Variants in DDX60 observed in about 807,000 individuals in gnomAD.
The protein encoded by DDX60 is probable ATP-dependent RNA helicase DDX60.
Under a neutral mutation model 212.8 loss-of-function variants are expected in DDX60, and 165 were observed. That is an observed-to-expected ratio of 0.78 (90% CI 0.68 to 0.88). DDX60 has a LOEUF of 0.88. Ranked by LOEUF, DDX60 falls within the 40% of genes least tolerant of loss-of-function variation. The pLI, the probability that DDX60 is intolerant of heterozygous loss-of-function variation, is 0.00. For missense variants in DDX60, 1,905 were observed against 2,003.9 expected, an observed-to-expected ratio of 0.95 and a Z score of 0.94; for synonymous variants, 703 against 685.3, an observed-to-expected ratio of 1.03 and a Z score of -0.40.
intron 1 of DDX60, among the ~76,000 whole-genome samples, chr4:168,311,577 A>G (rs1247656033): frequency 6.6e-6 from 1 of 152,192 alleles, no homozygotes; most frequent in Non-Finnish European, 1.5e-5. Context: ...GGTCAGAGGA[A>G]GTTTCCCTAA....
chr4:168,266,266 C>T lies in DDX60; in HGVS notation c.3039+1316G>A, dbSNP rs557210764. ...GTAATGGTTAAAAGAGGTTTAAAAA[C>T]GTAGAATTTTTAGAACATGAAGTAA... On this transcript the variant is annotated intron_variant, in intron 22 of 37. Transcript: ENST00000393743. Among the ~76,000 whole-genome samples, 33 of 152,208 alleles carry T rather than the reference C, an allele frequency of 2.2e-4. 1 individual carries two copies. The highest frequency in any genetic ancestry group is 3.4e-3 in the Middle Eastern group (1 of 294).
the DDX60 span, among the ~76,000 whole-genome samples, chr4:168,325,978 C>T: frequency 6.6e-6 from 1 of 152,182 alleles, no homozygotes; most frequent in Non-Finnish European, 1.5e-5. Context: ...AGCTGTCCAG[C>T]GGTGACCTCT....
intron 36 of DDX60, among the ~76,000 whole-genome samples, 176 bp downstream of exon 36, chr4:168,221,554 C>A (rs146434917): frequency 6.6e-6 from 1 of 151,538 alleles, no homozygotes; most frequent in African/African-American, 2.4e-5. Flanking sequence ...AAAATAATAC[C>A]GAATTGTTAT....
intron 18 of DDX60, among the ~76,000 whole-genome samples, chr4:168,272,625 A>G (rs623967): frequency 0.43 from 65,693 of 151,982 alleles, 14,957 homozygotes; most frequent in African/African-American, 0.6. Flanking sequence ...GTTCCACATC[A>G]AGCCACAGCA....
chr4:168,311,194 T>G, intron 2 of DDX60, 62 bp downstream of exon 2: 1 of 1,561,750 alleles, frequency 6.4e-7, no homozygotes, highest in Admixed American at 1.7e-5. Flanking sequence ...TTCCATTAAA[T>G]CTATGTAGTT....
At chr4:168,275,633 A>T in intron 15 of DDX60, 130 bp from the exon 16 acceptor site, 1 of 791,052 alleles carries the variant, frequency 1.3e-6, no homozygotes, top group South Asian at 2.9e-5. Flanking sequence ...TAAATTTTTT[A>T]AATCATTGTC....
At chr4:168,222,722 T>G (rs1733106126) in intron 35 of DDX60, among the ~76,000 whole-genome samples, 1 of 152,114 alleles carries the variant, frequency 6.6e-6, no homozygotes, top group African/African-American at 2.4e-5. Flanking sequence ...CTTGAAAAGT[T>G]TAATATTTGA....
intron 5 of DDX60, among the ~76,000 whole-genome samples, chr4:168,303,721 C>T (rs901889869): frequency 2.0e-5 from 3 of 152,162 alleles, no homozygotes; most frequent in African/African-American, 7.2e-5. Context: ...TGGTGGCTCA[C>T]GTCTGTAATC....
chr4:168,250,624 C>T (rs906169188), intron 28 of DDX60, among the ~76,000 whole-genome samples: 5 of 150,734 alleles, frequency 3.3e-5, no homozygotes, highest in African/African-American at 1.2e-4. Context: ...CTCCCGGGTT[C>T]AAGCGATTCT....
intron 33 of DDX60, 25 bp from the exon 34 acceptor site, chr4:168,225,701 A>C (rs371306614): frequency 6.2e-7 from 1 of 1,601,462 alleles, no homozygotes; most frequent in Non-Finnish European, 8.5e-7. Flanking sequence ...ATTTTCATAG[A>C]GATAGATCTA....
In DDX60 at chr4:168,255,838, C is replaced by T; in HGVS notation, c.3430G>A (p.Glu1144Lys). ...FKLGAVENAA[E>K]SVSTFLKKKQ... Reference sequence around the variant, plus strand: ...TTCTTTAGGAAAGTGCTCACACTTTCAGCTGCGTTTTCTACAGCTCCTAAC... The same window carrying T: ...TTCTTTAGGAAAGTGCTCACACTTTTAGCTGCGTTTTCTACAGCTCCTAAC... Residue 1144 changes from glutamate to lysine, a missense_variant, in exon 26 of 38, where the codon GAA becomes AAA. By Grantham distance (56) the Glu-to-Lys change is moderately conservative. Transcript: ENST00000393743. 1 of 1,596,970 alleles carries T rather than the reference C, an allele frequency of 6.3e-7. No individual in the cohort carries two copies. Among genetic ancestry groups the T allele is most frequent in the East Asian group, 2.2e-5 (1 of 44,470 alleles).
intron 16 of DDX60, among the ~76,000 whole-genome samples, chr4:168,274,981 T>C (rs149550583): frequency 6.6e-6 from 1 of 152,300 alleles, no homozygotes; most frequent in Non-Finnish European, 1.5e-5. Flanking sequence ...TAAACAATTG[T>C]CCCTACTATT....
chr4:168,285,890 GGGAAGAAA>G (rs1460408582), intron 10 of DDX60, among the ~76,000 whole-genome samples: 2 of 113,364 alleles, frequency 1.8e-5, no homozygotes, highest in Non-Finnish European at 3.5e-5. Flanking sequence ...AAAGGAAGGA[GGGAAGAAA>G]GGAAGGAAGG....
chr4:168,316,960 A>C (rs1286558523), intron 1 of DDX60, among the ~76,000 whole-genome samples: 1 of 149,108 alleles, frequency 6.7e-6, no homozygotes, highest in African/African-American at 2.5e-5. Context: ...TGGGAGGCTG[A>C]GGTAGAAGAA....
chr4:168,275,255 A>C (rs539689040), intron 16 of DDX60, 90 bp downstream of exon 16: 3 of 1,177,670 alleles, frequency 2.5e-6, no homozygotes, highest in African/African-American at 3.1e-5. Context: ...TGAACATCAA[A>C]TATAACATGT....
chr4:168,239,161 G>A (rs1578984970), intron 30 of DDX60, among the ~76,000 whole-genome samples: 2 of 152,066 alleles, frequency 1.3e-5, no homozygotes, highest in African/African-American at 4.8e-5. Flanking sequence ...CAGAAAATCA[G>A]ACAAACAAAC....
At chr4:168,294,481 CATTT>C (rs4058259) in intron 6 of DDX60, among the ~76,000 whole-genome samples, 49,161 of 149,098 alleles carry the variant, frequency 0.33, 8,222 homozygotes, top group African/African-American at 0.4. Context: ...GCAAACGATA[CATTT>C]ATTTATTTAT....
intron 14 of DDX60, among the ~76,000 whole-genome samples, chr4:168,279,625 C>T (rs1301307550): frequency 6.6e-6 from 1 of 152,134 alleles, no homozygotes; most frequent in Non-Finnish European, 1.5e-5. Flanking sequence ...TCGAGACTTC[C>T]TGGGGATCAA....
chr4:168,221,918 G>A lies in DDX60; in HGVS notation c.4825-37C>T, dbSNP rs544504560. ...CGATTATTCTTAATGTATTATTTAT[G>A]TATAAAGAAAGTTGATAATTTCTTA... On this transcript the variant is annotated intron_variant, in intron 35 of 37. Coordinates refer to ENST00000393743, the MANE Select transcript of DDX60 (RefSeq NM_017631.6). 2.7e-5 allele frequency: 43 copies of A among 1,574,524 alleles called. No homozygotes were observed. The Middle Eastern group carries it at 8.5e-4, about 31-fold the overall frequency.
Sources: gnomAD v4.1 joint callset for allele counts (sites outside exome capture counted in the v4.1 genomes callset) on GRCh38, gnomAD v4.1.1 for gene constraint, MANE v1.5 for transcripts, NCBI Gene and HGNC (gene_info 2026-07-23, HGNC 2026-07-21) for gene names.